The following CNTN1 variants were observed in gnomAD, a reference collection of about 807,000 sequenced individuals.
CNTN1 encodes contactin 1, also known as contactin-1.
In CNTN1, 38 loss-of-function variants were observed where a neutral mutation model predicts 126.4. The observed-to-expected ratio is 0.30, with a 90% CI of 0.23 to 0.39. CNTN1 has a LOEUF of 0.39. Among genes scored for constraint, CNTN1 ranks in the 10% least tolerant of loss-of-function variants. The probability of loss-of-function intolerance (pLI) is 1.00; values close to 1 mark genes in which losing one functional copy is unlikely to be tolerated. For synonymous variants in CNTN1, 413 were observed against 422.6 expected, an observed-to-expected ratio of 0.98 and a Z score of 0.28; for missense variants, 1,009 against 1,248.4, an observed-to-expected ratio of 0.81 and a Z score of 2.89.
At chr12:40,867,211 C>T (rs984371806) in intron 1 of CNTN1, among the ~76,000 whole-genome samples, 1 of 152,136 alleles carries the variant, frequency 6.6e-6, no homozygotes. Flanking sequence ...GGAAATGCAT[C>T]CACTTGGTCT....
At chr12:40,772,164 A>T (rs1194006072) in intron 1 of CNTN1, among the ~76,000 whole-genome samples, 1 of 152,074 alleles carries the variant, frequency 6.6e-6, no homozygotes, top group Non-Finnish European at 1.5e-5. Context: ...TGCAGATGTT[A>T]TATGGAATTG....
At chr12:40,882,019 G>T (rs570381736) in intron 1 of CNTN1, among the ~76,000 whole-genome samples, 11 of 151,150 alleles carry the variant, frequency 7.3e-5, no homozygotes, top group Non-Finnish European at 8.9e-5. Flanking sequence ...TTCTTTGGTG[G>T]GGAAGGAAGA....
intron 23 of CNTN1, among the ~76,000 whole-genome samples, chr12:41,038,432 C>A (rs568301793): frequency 3.9e-4 from 60 of 152,044 alleles, no homozygotes; most frequent in Non-Finnish European, 6.3e-4. Flanking sequence ...ATGGCCGTGT[C>A]TTCCCATGGC....
intron 1 of CNTN1, among the ~76,000 whole-genome samples, chr12:40,694,335 T>C (rs1331572908): frequency 6.6e-6 from 1 of 152,220 alleles, no homozygotes; most frequent in Non-Finnish European, 1.5e-5. Flanking sequence ...CTTTTATAGA[T>C]TGATGTATGT....
At chr12:40,817,976 G>A (rs934762223) in intron 1 of CNTN1, among the ~76,000 whole-genome samples, 1 of 151,854 alleles carries the variant, frequency 6.6e-6, no homozygotes, top group Non-Finnish European at 1.5e-5. Context: ...TTTCCTTTAA[G>A]GTTGAATATT....
At chr12:40,850,336 C>G (rs949884523) in intron 1 of CNTN1, among the ~76,000 whole-genome samples, 1 of 151,890 alleles carries the variant, frequency 6.6e-6, no homozygotes, top group African/African-American at 2.4e-5. Flanking sequence ...TTTTTTCTTT[C>G]TCTTGATTTT....
intron 1 of CNTN1, among the ~76,000 whole-genome samples, chr12:40,872,887 T>C (rs1000340444): frequency 6.6e-6 from 1 of 152,186 alleles, no homozygotes; most frequent in African/African-American, 2.4e-5. Flanking sequence ...AGTCATTTTC[T>C]TGTTGCATAT....
At chr12:40,819,154 A>G (rs781099176) in intron 1 of CNTN1, among the ~76,000 whole-genome samples, 26 of 152,040 alleles carry the variant, frequency 1.7e-4, no homozygotes, top group Non-Finnish European at 2.9e-4. Context: ...GGAGGGTCTC[A>G]CTCAGTTGGG....
intron 1 of CNTN1, among the ~76,000 whole-genome samples, chr12:40,840,057 A>G (rs1942214624): frequency 6.6e-6 from 1 of 152,134 alleles, no homozygotes; most frequent in Non-Finnish European, 1.5e-5. Flanking sequence ...GACTGGCTGA[A>G]TAGATTAGAA....
intron 9 of CNTN1, 102 bp from the exon 10 acceptor site, chr12:40,936,679 A>C: frequency 3.5e-6 from 5 of 1,408,746 alleles, no homozygotes; most frequent in Non-Finnish European, 4.0e-6. Context: ...TATCTGATGT[A>C]TTCTGCAGAA....
At chr12:40,913,497 T>C (rs1390109050) in intron 3 of CNTN1, among the ~76,000 whole-genome samples, 1 of 152,216 alleles carries the variant, frequency 6.6e-6, no homozygotes, top group Non-Finnish European at 1.5e-5. Context: ...CTAACAGATT[T>C]TTCCTAGGAC....
intron 23 of CNTN1, among the ~76,000 whole-genome samples, chr12:41,045,493 C>T (rs974633830): frequency 2.0e-5 from 3 of 152,066 alleles, no homozygotes; most frequent in Non-Finnish European, 4.4e-5. Flanking sequence ...AAAAATAAAA[C>T]CCTTGAAATT....
At chr12:40,749,372 T>C (rs1938306267) in intron 1 of CNTN1, among the ~76,000 whole-genome samples, 2 of 152,144 alleles carry the variant, frequency 1.3e-5, no homozygotes, top group Non-Finnish European at 2.9e-5. Context: ...AAATATTTCT[T>C]TTTTTATCCT....
chr12:40,721,565 T>C (rs937169140), intron 1 of CNTN1, among the ~76,000 whole-genome samples: 1 of 151,540 alleles, frequency 6.6e-6, no homozygotes, highest in African/African-American at 2.4e-5. Context: ...ATTATTATTA[T>C]TATACTTTAA....
intron 1 of CNTN1, among the ~76,000 whole-genome samples, chr12:40,878,773 C>T (rs147216990): frequency 8.3e-4 from 126 of 152,210 alleles, no homozygotes; most frequent in African/African-American, 2.2e-3. Context: ...GAGTGACACC[C>T]AACTTCTTTA....
At chr12:40,815,193 CA>C (rs535493999) in intron 1 of CNTN1, among the ~76,000 whole-genome samples, 232 of 152,204 alleles carry the variant, frequency 1.5e-3, no homozygotes, top group African/African-American at 3.5e-3. Context: ...TGAAGAATGT[CA>C]ATGGTAGTTT....
chr12:40,967,071 G>A (rs1947333177), intron 15 of CNTN1, among the ~76,000 whole-genome samples: 1 of 152,038 alleles, frequency 6.6e-6, no homozygotes, highest in East Asian at 1.9e-4. Context: ...GGAGGCAGAG[G>A]CAGGAGAATT....
At chr12:41,007,303 G>A (rs376104585) in intron 17 of CNTN1, among the ~76,000 whole-genome samples, 8 of 151,736 alleles carry the variant, frequency 5.3e-5, no homozygotes, top group East Asian at 1.9e-4. Flanking sequence ...CTTGTGATCC[G>A]CCCGCCTCGG....
chr12:40,872,781 C>T (rs1156360504), intron 1 of CNTN1, among the ~76,000 whole-genome samples: 2 of 151,726 alleles, frequency 1.3e-5, no homozygotes, highest in South Asian at 2.1e-4. Context: ...AGGCTGGTCT[C>T]GAACTCCTGA....
Sources: gnomAD v4.1 joint callset for allele counts (sites outside exome capture counted in the v4.1 genomes callset) on GRCh38, gnomAD v4.1.1 for gene constraint, MANE v1.5 for transcripts, NCBI Gene and HGNC (gene_info 2026-07-23, HGNC 2026-07-21) for gene names.